The following ZNF335 variants were observed in gnomAD, a reference collection of about 807,000 sequenced individuals.
The protein encoded by ZNF335 is NRC-interacting factor 1.
A neutral mutation model predicts 145.6 loss-of-function variants in ZNF335; 84 were observed. That is an observed-to-expected ratio of 0.58 (90% CI 0.48 to 0.69). The LOEUF is 0.69. Ranked by LOEUF, ZNF335 falls within the 30% of genes least tolerant of loss-of-function variation. The probability of loss-of-function intolerance (pLI) is 0.00; values close to 1 mark genes in which losing one functional copy is unlikely to be tolerated. For missense variants in ZNF335, 1,865 were observed against 1,809.7 expected (o/e 1.03, Z -0.55); for synonymous variants, 761 against 717.0 (o/e 1.06, Z -0.98).
chr20:45,948,987 A>G lies in ZNF335; in HGVS notation c.3995T>C (p.Ile1332Thr). 1 of 1,613,896 alleles carries G rather than the reference A, an allele frequency of 6.2e-7. No individual in the cohort carries two copies. Among genetic ancestry groups the G allele is most frequent in the African/African-American group, 1.3e-5 (1 of 75,034 alleles). ...EHIQQLQHQGIEYDVITLADD is the reference protein window; with the variant it reads ...EHIQQLQHQGTEYDVITLADD ...GGCCAGGGTGATGACGTCGTACTCG[A>G]TGCCCTGGTGCTGCAGCTGTTGAAT... Residue 1332 changes from isoleucine (I) to threonine (T), a missense_variant, in exon 28 of 28, where the codon ATC (isoleucine) becomes ACC (threonine). Coordinates refer to ENST00000322927, the MANE Select transcript of ZNF335 (RefSeq NM_022095.4).
At chr20:45,971,733 C>T (rs2084072460) in intron 1 of ZNF335, 1 of 985,490 alleles carries the variant, frequency 1.0e-6, no homozygotes, top group African/African-American at 1.7e-5. Flanking sequence ...GAGCGTTCCG[C>T]TCTGTGAGCC....
Position 45,957,332 on chromosome 20 carries a change from C to T in ZNF335, c.2442+254G>A, listed in dbSNP as rs375051822. Among the ~76,000 whole-genome samples, 19 of 152,330 alleles carry T rather than the reference C, an allele frequency of 1.2e-4. No individual in the cohort carries two copies. The East Asian group carries it at 1.5e-3, about 12-fold the overall frequency. ...AACAGGGCCCCAGATGCCGCAGGGG[C>T]AGTGTGTACTGCTCCACCTGGCAGA... On this transcript the variant is annotated intron_variant, in intron 17 of 27. Transcript: ENST00000322927.
Position 45,969,546 on chromosome 20 carries a change from T to C in ZNF335, c.347A>G (p.Asn116Ser). The change falls in exon 3 of 28, where the codon AAC becomes AGC. Residue 116 changes from asparagine to serine, a missense_variant. Coordinates refer to ENST00000322927, the MANE Select transcript of ZNF335 (RefSeq NM_022095.4). ...LVHSSALPDP[N>S]MLVSDCTASS... Reference sequence around the variant, plus strand: ...AGCTGTGCAGTCGGACACCAGCATGTTGGGGTCTGGGAGTGCACTAGAGTG... The same window carrying C: ...AGCTGTGCAGTCGGACACCAGCATGCTGGGGTCTGGGAGTGCACTAGAGTG... The C allele has an allele frequency of 6.3e-7, 1 of 1,594,202 alleles. No individual in the cohort carries two copies. The highest frequency in any genetic ancestry group is 8.6e-7 in the Non-Finnish European group (1 of 1,163,868).
rs764681680 is a variant in ZNF335, at chr20:45,950,040, C to A, written c.3517G>T (p.Gly1173Cys). Reference sequence around the variant, plus strand: ...AGTGCCTGCTGTAGCCGCTCTGGGCCCAGGACCCCGTGACTGGACTGGAGT... The same window carrying A: ...AGTGCCTGCTGTAGCCGCTCTGGGCACAGGACCCCGTGACTGGACTGGAGT... ...TALQSSHGVL[G>C]PERLQQALSQ... is the part of the protein sequence containing the mutation. Residue 1173 changes from glycine to cysteine, a missense_variant, in exon 23 of 28, where the codon GGC (glycine) becomes TGC (cysteine). Transcript: ENST00000322927. The A allele has an allele frequency of 1.9e-6, 3 of 1,613,824 alleles. No individual in the cohort carries two copies. In the Admixed American group the frequency reaches 5.0e-5, roughly 27 times the overall value.
At chr20:45,969,864 G>C (rs2084027979) in intron 2 of ZNF335, 173 bp from the exon 3 acceptor site, 1 of 783,868 alleles carries the variant, frequency 1.3e-6, no homozygotes, top group South Asian at 2.4e-5. Context: ...CAGTCACAGA[G>C]TCCCCCAGGA....
intron 23 of ZNF335, 40 bp from the exon 24 acceptor site, chr20:45,949,917 C>G (rs1174710512): frequency 8.7e-6 from 14 of 1,613,996 alleles, no homozygotes; most frequent in Non-Finnish European, 3.4e-6. Flanking sequence ...TTTCTCTACC[C>G]CAACCCCTGC....
rs1958931137 is a variant in ZNF335, at chr20:45,969,574, C to A, written c.319G>T (p.Val107Leu). 1 of 1,604,866 alleles carries A rather than the reference C, an allele frequency of 6.2e-7. No homozygotes were observed. Among genetic ancestry groups the A allele is most frequent in the Non-Finnish European group, 8.5e-7 (1 of 1,173,102 alleles). ...GGGTCTGGGAGTGCACTAGAGTGCACAAGTGCTGGGGGACCGCCTGTCACC... is the reference window on the plus strand; with the variant it reads ...GGGTCTGGGAGTGCACTAGAGTGCAAAAGTGCTGGGGGACCGCCTGTCACC... ...AGVTGGPPAL[V>L]HSSALPDPNM... is the part of the protein sequence containing the mutation. The change falls in exon 3 of 28, where the codon GTG becomes TTG. Residue 107 changes from valine (V) to leucine (L), a missense_variant. By Grantham distance (32) the Val-to-Leu change is conservative. Coordinates refer to ENST00000322927, the MANE Select transcript of ZNF335 (RefSeq NM_022095.4).
intron 6 of ZNF335, among the ~76,000 whole-genome samples, chr20:45,966,602 G>A (rs111598762): frequency 1.3e-5 from 2 of 150,362 alleles, no homozygotes; most frequent in African/African-American, 2.5e-5. Context: ...CCAGGCTGGA[G>A]TACAGTGGCA....
At chr20:45,954,590 G>A (rs1193974602) in intron 17 of ZNF335, among the ~76,000 whole-genome samples, 3 of 151,934 alleles carry the variant, frequency 2.0e-5, no homozygotes, top group Admixed American at 2.0e-4. Flanking sequence ...TTGGGGTTGG[G>A]GGATATTTCA....
In ZNF335 at chr20:45,969,551, G is replaced by T; in HGVS notation, c.342C>A (p.Asp114Glu). ...PALVHSSALPDPNMLVSDCTA... is the reference protein window; with the variant it reads ...PALVHSSALPEPNMLVSDCTA... The stretch of plus-strand genomic sequence containing the variant: ...TGCAGTCGGACACCAGCATGTTGGG[G>T]TCTGGGAGTGCACTAGAGTGCACAA... The change falls in exon 3 of 28, where the codon GAC becomes GAA. Residue 114 changes from aspartate to glutamate, a missense_variant. By Grantham distance (45) the Asp-to-Glu change is conservative. Coordinates refer to ENST00000322927, the MANE Select transcript of ZNF335 (RefSeq NM_022095.4). 4 of 1,596,614 alleles carry T rather than the reference G, an allele frequency of 2.5e-6. No homozygotes were observed. Among genetic ancestry groups the T allele is most frequent in the Non-Finnish European group, 3.4e-6 (4 of 1,165,822 alleles).
Position 45,959,331 on chromosome 20 carries a change from C to A in ZNF335, c.2123G>T (p.Trp708Leu), listed in dbSNP as rs753792332. 2 of 1,585,920 alleles carry A rather than the reference C, an allele frequency of 1.3e-6. No individual in the cohort carries two copies. Among genetic ancestry groups the A allele is most frequent in the Non-Finnish European group, 1.7e-6 (2 of 1,163,688 alleles). Reference sequence around the variant, plus strand: ...GGGCTCCTCAGGGTGGCGCCTCCCCCATTCCTCGAAGCTGCTTGCGTGTCG... The same window carrying A: ...GGGCTCCTCAGGGTGGCGCCTCCCCAATTCCTCGAAGCTGCTTGCGTGTCG... Reference protein sequence around the residue: ...RCRHASSFEEWGRRHPEEPPS... With the variant: ...RCRHASSFEELGRRHPEEPPS... The change falls in exon 15 of 28, where the codon TGG (tryptophan) becomes TTG (leucine). Residue 708 changes from tryptophan (W) to leucine (L), a missense_variant. By Grantham distance (61) the Trp-to-Leu change is moderately conservative (BLOSUM62 -2). Transcript: ENST00000322927.
chr20:45,967,626 C>T lies in ZNF335; in HGVS notation c.823G>A (p.Ala275Thr), dbSNP rs370556003. 4 of 1,613,982 alleles carry T rather than the reference C, an allele frequency of 2.5e-6. No individual in the cohort carries two copies. The highest frequency in any genetic ancestry group is 3.4e-6 in the Non-Finnish European group (4 of 1,179,984). ...RERHFRPVAA[A>T]AAAAGKKGRL... The stretch of plus-strand genomic sequence containing the variant: ...CCTTTTTTACCAGCTGCTGCTGCGG[C>T]TGCTGCTACTGGAAGTGGAGGGAGG... The change falls in exon 6 of 28, where the codon GCC (alanine) becomes ACC (threonine). Residue 275 changes from alanine (A) to threonine (T), a missense_variant. Transcript: ENST00000322927.
At chr20:45,969,882 A>C (rs1358213681) in intron 2 of ZNF335, 191 bp from the exon 3 acceptor site, 17 of 657,276 alleles carry the variant, frequency 2.6e-5, no homozygotes, top group Non-Finnish European at 4.1e-5. Flanking sequence ...GGAAAAAGTC[A>C]CAGGGTCCCT....
At chr20:45,971,903 G>A (rs1656129596) in intron 1 of ZNF335, 1 of 985,440 alleles carries the variant, frequency 1.0e-6, no homozygotes, top group Non-Finnish European at 1.2e-6. Context: ...GCGATTTGGG[G>A]CTGTCCCCGG....
intron 9 of ZNF335, 139 bp from the exon 10 acceptor site, chr20:45,962,321 A>G: frequency 1.5e-6 from 1 of 675,538 alleles, no homozygotes; most frequent in Non-Finnish European, 2.6e-6. Flanking sequence ...ACACACCCCG[A>G]CGCAAGGGTC....
rs747954792 is a variant in ZNF335, at chr20:45,950,302, G to T, written c.3404C>A (p.Thr1135Asn). 1 of 1,565,512 alleles carries T rather than the reference G, an allele frequency of 6.4e-7. No individual in the cohort carries two copies. Among genetic ancestry groups the T allele is most frequent in the African/African-American group, 1.4e-5 (1 of 73,648 alleles). Residue 1135 changes from threonine to asparagine, a missense_variant, in exon 22 of 28, where the codon ACC (threonine) becomes AAC (asparagine). By Grantham distance (65) the Thr-to-Asn change is moderately conservative. Coordinates refer to ENST00000322927, the MANE Select transcript of ZNF335 (RefSeq NM_022095.4). ...LHSPDGRKSG[T>N]PTARAPTQTP... ...CTGGGTAGGGGCCCGGGCTGTAGGG[G>T]TTCCTGACTTCCTCCCATCAGGACT... is the stretch of plus-strand genomic sequence containing the variant.
At position 45,960,906 on chromosome 20, in the gene ZNF335, T is replaced by G. The variant is rs369396356; in HGVS notation, c.1647-24A>C. 15 of 1,612,812 alleles carry G rather than the reference T, an allele frequency of 9.3e-6. No individual in the cohort carries two copies. In the African/African-American group the frequency reaches 1.7e-4, roughly 19 times the overall value. The stretch of plus-strand genomic sequence containing the variant: ...TCCTGTGGGGAAAAGGCCGAGGAAT[T>G]AGACCAGAGCTTCCCCAAGCCCACT... On this transcript the variant is annotated intron_variant, in intron 10 of 27. Coordinates refer to ENST00000322927, the MANE Select transcript of ZNF335 (RefSeq NM_022095.4).
At position 45,949,183 on chromosome 20, in the gene ZNF335, G is replaced by T. The variant is rs1279130921; in HGVS notation, c.3888C>A (p.His1296Gln). ...VTQAQLEAAA[H>Q]SAVTAVADAA... ...CCAGCTCCATACCTGTGACAGCTGA[G>T]TGTGCTGCAGCCTCAAGTTGAGCCT... The change falls in exon 27 of 28, where the codon CAC becomes CAA. Residue 1296 changes from histidine (H) to glutamine (Q), a missense_variant. By Grantham distance (24) the His-to-Gln change is conservative. Transcript: ENST00000322927. 6.2e-7 allele frequency: 1 copy of T among 1,613,770 alleles called. No homozygotes were observed. Among genetic ancestry groups the T allele is most frequent in the Non-Finnish European group, 8.5e-7 (1 of 1,179,960 alleles).
At chr20:45,971,785 C>T in intron 1 of ZNF335, 6 of 985,394 alleles carry the variant, frequency 6.1e-6, no homozygotes, top group Non-Finnish European at 7.2e-6. Context: ...CCCCGCGTCC[C>T]CCCGGGTTGC....
Sources: gnomAD v4.1 joint callset for allele counts (sites outside exome capture counted in the v4.1 genomes callset) on GRCh38, gnomAD v4.1.1 for gene constraint, MANE v1.5 for transcripts, NCBI Gene and HGNC (gene_info 2026-07-23, HGNC 2026-07-21) for gene names.